RAP1GDS1: variants seen among roughly 807,000 people sequenced by gnomAD.
RAP1GDS1 encodes the protein Rap1 GTPase-GDP dissociation stimulator 1.
Under a neutral mutation model 71.1 loss-of-function variants are expected in RAP1GDS1, and 35 were observed. The ratio of observed to expected loss-of-function variants is 0.49; its 90% confidence interval spans 0.38 to 0.65. The LOEUF is 0.65. Ranked by LOEUF, RAP1GDS1 falls within the 30% of genes least tolerant of loss-of-function variation. RAP1GDS1 has a pLI of 0.00. For synonymous variants in RAP1GDS1, 229 were observed against 243.1 expected, an observed-to-expected ratio of 0.94 and a Z score of 0.54; for missense variants, 663 against 706.1, an observed-to-expected ratio of 0.94 and a Z score of 0.69.
chr4:98,269,413 G>T (rs1287396470), intron 1 of RAP1GDS1, among the ~76,000 whole-genome samples: 1 of 152,064 alleles, frequency 6.6e-6, no homozygotes, highest in African/African-American at 2.4e-5. Flanking sequence ...ATTGGTGTTG[G>T]CAATGATTTT....
chr4:98,421,147 GTCGTGCTGTGTTTTTT>G (rs1289499604), intron 11 of RAP1GDS1, 92 bp from the exon 12 acceptor site: 1 of 1,217,760 alleles, frequency 8.2e-7, no homozygotes, highest in Non-Finnish European at 1.1e-6. Flanking sequence ...TAATGAAATT[GTCGTGCTGTGTTTTTT>G]TAGACGTCCT....
At chr4:98,301,275 C>T (rs1268893759) in intron 2 of RAP1GDS1, among the ~76,000 whole-genome samples, 2 of 151,796 alleles carry the variant, frequency 1.3e-5, no homozygotes, top group Non-Finnish European at 2.9e-5. Flanking sequence ...CACTGGTGCT[C>T]CTTATGAAGT....
chr4:98,381,311 C>G (rs935959179), intron 5 of RAP1GDS1, among the ~76,000 whole-genome samples: 3 of 151,586 alleles, frequency 2.0e-5, no homozygotes, highest in Non-Finnish European at 3.0e-5. Flanking sequence ...TTGTAACTAT[C>G]ATCATCTTTC....
chr4:98,346,651 T>TCTC (rs1736344006), intron 3 of RAP1GDS1, among the ~76,000 whole-genome samples: 2 of 151,974 alleles, frequency 1.3e-5, no homozygotes, highest in African/African-American at 4.8e-5. Context: ...TTCAAGCAAT[T>TCTC]CTCCTGCCTC....
At chr4:98,419,948 C>A in intron 10 of RAP1GDS1, 71 bp from the exon 11 acceptor site, 2 of 1,292,148 alleles carry the variant, frequency 1.5e-6, no homozygotes, top group South Asian at 1.9e-5. Context: ...CTTAATAAAC[C>A]TGTATTGAAT....
At chr4:98,415,403 A>G (rs1747800224) in intron 7 of RAP1GDS1, among the ~76,000 whole-genome samples, 1 of 152,246 alleles carries the variant, frequency 6.6e-6, no homozygotes, top group Non-Finnish European at 1.5e-5. Context: ...AACAGGATTA[A>G]GAGATTAAAG....
chr4:98,269,309 A>C (rs1723133703), intron 1 of RAP1GDS1, among the ~76,000 whole-genome samples: 1 of 152,132 alleles, frequency 6.6e-6, no homozygotes, highest in Non-Finnish European at 1.5e-5. Flanking sequence ...ATATACAAAA[A>C]TCAGCTCAAA....
chr4:98,424,344 C>T (rs986770461), intron 12 of RAP1GDS1, among the ~76,000 whole-genome samples: 13 of 152,022 alleles, frequency 8.6e-5, no homozygotes, highest in South Asian at 4.1e-4. Flanking sequence ...TATTGGAAAA[C>T]GAATTGTCTT....
At chr4:98,318,089 C>T (rs757675223) in intron 2 of RAP1GDS1, among the ~76,000 whole-genome samples, 3 of 152,068 alleles carry the variant, frequency 2.0e-5, no homozygotes, top group African/African-American at 2.4e-5. Context: ...GTGATTTGCC[C>T]GCCTTGGCCT....
intron 6 of RAP1GDS1, among the ~76,000 whole-genome samples, chr4:98,397,464 C>G (rs1402803988): frequency 1.3e-5 from 2 of 152,002 alleles, no homozygotes; most frequent in African/African-American, 4.8e-5. Context: ...GAGACCTCCC[C>G]CCGACCCACT....
chr4:98,365,004 CAAG>C, intron 4 of RAP1GDS1, among the ~76,000 whole-genome samples: 1 of 151,508 alleles, frequency 6.6e-6, no homozygotes, highest in East Asian at 2.0e-4. Context: ...GGTGACAGAG[CAAG>C]AAGACCCTGT....
chr4:98,307,229 G>A (rs1340041690), intron 2 of RAP1GDS1, among the ~76,000 whole-genome samples: 1 of 151,594 alleles, frequency 6.6e-6, no homozygotes, highest in East Asian at 1.9e-4. Context: ...TAATATAATT[G>A]CATCAGTGTC....
At chr4:98,416,505 C>T (rs1017528791) in intron 7 of RAP1GDS1, among the ~76,000 whole-genome samples, 2 of 151,548 alleles carry the variant, frequency 1.3e-5, no homozygotes, top group African/African-American at 2.4e-5. Context: ...TGCCACTGCA[C>T]CTGGCTAATT....
intron 12 of RAP1GDS1, among the ~76,000 whole-genome samples, chr4:98,429,621 C>T (rs542501955): frequency 6.6e-6 from 1 of 152,242 alleles, no homozygotes; most frequent in East Asian, 1.9e-4. Flanking sequence ...TAACCAAACA[C>T]CACCTGTTCC....
intron 2 of RAP1GDS1, among the ~76,000 whole-genome samples, chr4:98,306,404 C>T (rs1245885779): frequency 2.0e-5 from 3 of 152,112 alleles, no homozygotes; most frequent in Admixed American, 6.5e-5. Context: ...AGCGAGAGAG[C>T]GAGGCAGCTC....
chr4:98,405,650 C>T (rs1746007017), intron 7 of RAP1GDS1, among the ~76,000 whole-genome samples: 1 of 151,866 alleles, frequency 6.6e-6, no homozygotes, highest in Admixed American at 6.6e-5. Context: ...AAACAAAAAT[C>T]CACATCTAGA....
intron 7 of RAP1GDS1, among the ~76,000 whole-genome samples, chr4:98,406,243 G>C (rs1388938193): frequency 6.6e-6 from 1 of 151,922 alleles, no homozygotes; most frequent in Non-Finnish European, 1.5e-5. Context: ...TGGCCTAAAT[G>C]CTCTAATTAA....
intron 6 of RAP1GDS1, among the ~76,000 whole-genome samples, chr4:98,395,012 T>C (rs1744307195): frequency 1.3e-5 from 2 of 152,140 alleles, no homozygotes; most frequent in South Asian, 4.1e-4. Flanking sequence ...CCTAAACTGA[T>C]CACATGACTT....
At chr4:98,352,409 TA>T in intron 3 of RAP1GDS1, 66 bp from the exon 4 acceptor site, 2 of 1,528,730 alleles carry the variant, frequency 1.3e-6, no homozygotes, top group Non-Finnish European at 1.8e-6. Context: ...TTTATTTTAT[TA>T]GGGGAGATGA....
Sources: gnomAD v4.1 joint callset for allele counts (sites outside exome capture counted in the v4.1 genomes callset) on GRCh38, gnomAD v4.1.1 for gene constraint, MANE v1.5 for transcripts, NCBI Gene and HGNC (gene_info 2026-07-23, HGNC 2026-07-21) for gene names.